The following COQ10B variants were observed in gnomAD, a reference collection of about 807,000 sequenced individuals.
COQ10B encodes the protein coenzyme Q10B.
Under a neutral mutation model 27.6 loss-of-function variants are expected in COQ10B, and 12 were observed. The observed-to-expected ratio is 0.43, with a 90% CI of 0.28 to 0.70. The LOEUF is 0.70. COQ10B is among the 30% of genes least tolerant of loss of function. The pLI, the probability that COQ10B is intolerant of heterozygous loss-of-function variation, is 0.17. For synonymous variants in COQ10B, 115 were observed against 103.0 expected (o/e 1.12, Z -0.71); for missense variants, 278 against 288.7 (o/e 0.96, Z 0.27).
chr2:197,460,597 C>T (rs559584749), intron 2 of COQ10B, among the ~76,000 whole-genome samples: 2 of 152,154 alleles, frequency 1.3e-5, no homozygotes, highest in Admixed American at 1.3e-4. Context: ...TTATGACTTA[C>T]ATTTTTTGTA....
chr2:197,453,640 C>A lies in COQ10B; in HGVS notation c.80C>A (p.Ala27Glu), dbSNP rs1251693987. 6.2e-7 allele frequency: 1 copy of A among 1,613,848 alleles called. No individual in the cohort carries two copies. The highest frequency in any genetic ancestry group is 8.5e-7 in the Non-Finnish European group (1 of 1,179,938). ...CCGAAGTCGGCGACAGCGGCCGGGG[C>A]GCAGGCGCCCGTGCGGAATGGCAGG... is the stretch of plus-strand genomic sequence containing the variant. ...CRPKSATAAG[A>E]QAPVRNGRYL... Residue 27 changes from alanine (A) to glutamate (E), a missense_variant, in exon 1 of 5, where the codon GCG becomes GAG. Around this residue, in one of 3 missense-constraint regions of COQ10B, gnomAD observed 183 missense variants for 158.2 expected, o/e 1.16. Transcript: ENST00000263960.
intron 1 of COQ10B, among the ~76,000 whole-genome samples, chr2:197,458,047 T>C (rs2085718142): frequency 6.6e-6 from 1 of 152,162 alleles, no homozygotes; most frequent in African/African-American, 2.4e-5. Context: ...TTCATTGTAT[T>C]ATAGAGCCCA....
chr2:197,462,477 G>GT lies in COQ10B; in HGVS notation c.255-61dup. 3.7e-6 allele frequency: 3 copies of GT among 812,690 alleles called. No homozygotes were observed. In the South Asian group the frequency reaches 5.1e-5, roughly 14 times the overall value. 50.3% of individuals were successfully genotyped at this position (812,690 alleles called of 1,614,324 possible). A position where few individuals can be genotyped will look rare whatever the true frequency, so the allele number is the denominator to read the frequency against. On this transcript the variant is annotated intron_variant, in intron 2 of 4. Transcript: ENST00000263960. Reference sequence around the variant, plus strand: ...AAGTTTTATACATATTCACTTTAAAGTATGCATATATTATATAACTAGATG... The same window carrying GT: ...AAGTTTTATACATATTCACTTTAAAGTTATGCATATATTATATAACTAGATG...
chr2:197,453,831 G>A, intron 1 of COQ10B, 167 bp downstream of exon 1: 2 of 1,058,220 alleles, frequency 1.9e-6, no homozygotes, highest in Non-Finnish European at 1.4e-6. Flanking sequence ...CTCAAGAGCG[G>A]CGCGCATCAC....
chr2:197,454,075 TA>T (rs904683091), intron 1 of COQ10B: 1 of 1,551,124 alleles, frequency 6.4e-7, no homozygotes, highest in African/African-American at 1.4e-5. Context: ...CGGTTCCTTC[TA>T]CCTGCCAGAT....
At chr2:197,464,003 A>AC (rs1241693182) in intron 3 of COQ10B, among the ~76,000 whole-genome samples, 1 of 113,702 alleles carries the variant, frequency 8.8e-6, no homozygotes, top group Non-Finnish European at 1.8e-5. Flanking sequence ...ATATACACAC[A>AC]CACACACACA....
chr2:197,466,528 T>C (rs1240372172), intron 3 of COQ10B, among the ~76,000 whole-genome samples: 1 of 152,206 alleles, frequency 6.6e-6, no homozygotes, highest in African/African-American at 2.4e-5. Flanking sequence ...CTCTGTAACC[T>C]CAACAGCAAT....
intron 4 of COQ10B, among the ~76,000 whole-genome samples, chr2:197,471,660 G>T (rs2085878621): frequency 6.6e-6 from 1 of 151,932 alleles, no homozygotes; most frequent in South Asian, 2.1e-4. Flanking sequence ...GGACAATTGG[G>T]GCCAAGCACA....
chr2:197,472,444 A>C (rs2085886989), intron 4 of COQ10B, among the ~76,000 whole-genome samples: 1 of 152,048 alleles, frequency 6.6e-6, no homozygotes, highest in South Asian at 2.1e-4. Context: ...AAAACAAAAC[A>C]AAACAACAAC....
intron 4 of COQ10B, among the ~76,000 whole-genome samples, chr2:197,472,428 TAAAAC>T (rs139909350): frequency 6.6e-6 from 1 of 151,216 alleles, no homozygotes; most frequent in East Asian, 1.9e-4. Context: ...GTTAAAAGCC[TAAAAC>T]AAAACAAAAC....
intron 1 of COQ10B, among the ~76,000 whole-genome samples, chr2:197,454,727 G>C (rs1269209189): frequency 6.6e-6 from 1 of 152,090 alleles, no homozygotes; most frequent in Non-Finnish European, 1.5e-5. Flanking sequence ...AAATACAGTT[G>C]CTTTAATGAT....
At chr2:197,458,922 C>T (rs886779978) in intron 1 of COQ10B, among the ~76,000 whole-genome samples, 1 of 152,074 alleles carries the variant, frequency 6.6e-6, no homozygotes, top group African/African-American at 2.4e-5. Flanking sequence ...CCTCGTGATC[C>T]ACCCGCCTCG....
intron 3 of COQ10B, among the ~76,000 whole-genome samples, chr2:197,465,754 G>C (rs1051732541): frequency 2.0e-5 from 3 of 152,132 alleles, no homozygotes; most frequent in African/African-American, 7.2e-5. Flanking sequence ...CTGCATTCCA[G>C]CCTGGGCAAC....
rs775540457 is a variant in COQ10B at position 197,462,547 on chromosome 2, T to C, written c.263T>C (p.Met88Thr). 3 of 1,554,360 alleles carry C rather than the reference T, an allele frequency of 1.9e-6. No individual in the cohort carries two copies. The highest frequency in any genetic ancestry group is 1.8e-6 in the Non-Finnish European group (2 of 1,142,708). ...ATTTTTATTTTTTAAAGATATTCAA[T>C]GCAGGAAATGTATGATGTAGTATCG... ...YSERRILGYS[M>T]QEMYDVVSGV... is the part of the protein sequence containing the mutation. Residue 88 changes from methionine to threonine, a missense_variant, in exon 3 of 5, where the codon ATG becomes ACG. This residue lies in a region of COQ10B where 183 missense variants were observed against 158.2 expected (regional missense o/e 1.16). Transcript: ENST00000263960.
chr2:197,454,211 G>A, intron 1 of COQ10B: 3 of 1,357,564 alleles, frequency 2.2e-6, no homozygotes, highest in Non-Finnish European at 3.0e-6. Context: ...TACAGGTCCT[G>A]TAACCTTGAA....
Position 197,473,846 on chromosome 2 carries a change from A to C in COQ10B, c.639A>C (p.Glu213Asp), listed in dbSNP as rs1414099206. ...TGAAGCAGATGGTAGCTGCCTTTGA[A>C]AGAAGAGCATGTAAGCTGTATGGTC... ...EVVKQMVAAF[E>D]RRACKLYGPE... is the part of the protein sequence containing the mutation. Residue 213 changes from glutamate to aspartate, a missense_variant, in exon 5 of 5, where the codon GAA becomes GAC. Transcript: ENST00000263960. 2.5e-6 allele frequency: 4 copies of C among 1,605,964 alleles called. No individual in the cohort carries two copies. Among genetic ancestry groups the C allele is most frequent in the Non-Finnish European group, 2.6e-6 (3 of 1,174,708 alleles).
intron 1 of COQ10B, among the ~76,000 whole-genome samples, chr2:197,457,109 A>G (rs1057150634): frequency 5.3e-5 from 8 of 152,158 alleles, no homozygotes; most frequent in Admixed American, 4.6e-4. Flanking sequence ...GCAGTTCACA[A>G]TAGAGTTCTG....
Position 197,470,128 on chromosome 2 carries a change from C to G in COQ10B, c.506C>G (p.Pro169Arg). 6.2e-7 allele frequency: 1 copy of G among 1,613,262 alleles called. No individual in the cohort carries two copies. Among genetic ancestry groups the G allele is most frequent in the South Asian group, 1.1e-5 (1 of 91,030 alleles). ...NHLETIWRFSPGLPGYPRTCT... is the reference protein window; with the variant it reads ...NHLETIWRFSRGLPGYPRTCT... ...TTGGAGACTATTTGGCGTTTTAGCC[C>G]AGGTCTTCCTGGCTACCCAAGAACT... The change falls in exon 4 of 5, where the codon CCA becomes CGA. Residue 169 changes from proline (P) to arginine (R), a missense_variant. Around this residue, in one of 3 missense-constraint regions of COQ10B, gnomAD observed 83 missense variants for 104.5 expected, o/e 0.79. Transcript: ENST00000263960.
chr2:197,473,179 A>C (rs2085896577), intron 4 of COQ10B, among the ~76,000 whole-genome samples: 1 of 151,864 alleles, frequency 6.6e-6, no homozygotes, highest in South Asian at 2.1e-4. Context: ...AATCCCACCT[A>C]CATACATCCA....
Sources: allele counts gnomAD v4.1 joint callset (sites outside exome capture counted in the v4.1 genomes callset), GRCh38; gene constraint gnomAD v4.1.1; regional missense constraint gnomAD v4.1.1; transcripts MANE v1.5; gene names NCBI Gene and HGNC (gene_info 2026-07-23, HGNC 2026-07-21).